XKR6: variants seen among roughly 807,000 people sequenced by gnomAD.
XKR6 encodes the protein XK-related protein 6.
XKR6 carries 22 observed loss-of-function variants against 56.7 expected under a neutral mutation model. The ratio of observed to expected loss-of-function variants is 0.39; its 90% CI spans 0.28 to 0.55. The LOEUF is 0.55. Among genes scored for constraint, XKR6 ranks in the 20% least tolerant of loss-of-function variants. The pLI, the probability that XKR6 is intolerant of heterozygous loss-of-function variation, is 0.66. For synonymous variants in XKR6, 524 were observed against 387.8 expected, an observed-to-expected ratio of 1.35 and a Z score of -4.13; for missense variants, 852 against 889.0, an observed-to-expected ratio of 0.96 and a Z score of 0.53.
intron 1 of XKR6, among the ~76,000 whole-genome samples, chr8:11,132,859 G>A (rs1261069570): frequency 3.9e-5 from 4 of 102,190 alleles, no homozygotes; most frequent in African/African-American, 2.2e-4. Flanking sequence ...TGTATGATGT[G>A]TGAAAAAAAA....
chr8:10,941,979 A>C (rs68164957), intron 1 of XKR6, among the ~76,000 whole-genome samples: 46,039 of 152,122 alleles, frequency 0.3, 7,910 homozygotes, highest in Non-Finnish European at 0.4. Context: ...AAAAAGACTC[A>C]GAAAGCCGAC....
At chr8:10,985,645 AAAAC>A (rs891244090) in intron 1 of XKR6, among the ~76,000 whole-genome samples, 4 of 152,094 alleles carry the variant, frequency 2.6e-5, no homozygotes, top group African/African-American at 4.8e-5. Flanking sequence ...AAAAACAACA[AAAAC>A]AAACAAACAA....
Position 11,039,045 on chromosome 8 carries a change from C to T in XKR6, c.765-114215G>A, listed in dbSNP as rs1198023773. Among the ~76,000 whole-genome samples the T allele has an allele frequency of 2.0e-5, 3 of 151,630 alleles. No individual in the cohort carries two copies. The South Asian group carries it at 6.2e-4, about 32-fold the overall frequency. On this transcript the variant is annotated intron_variant, in intron 1 of 2. Coordinates refer to ENST00000416569, the MANE Select transcript of XKR6 (RefSeq NM_173683.4). ...ACCCTGCCACTCAGAGCTTATGGTC[C>T]CCAGAGAGTGGCGCAGGCCCAGTGA... is the stretch of plus-strand genomic sequence containing the variant.
intron 1 of XKR6, among the ~76,000 whole-genome samples, chr8:10,981,677 C>T (rs150445819): frequency 6.6e-6 from 1 of 152,236 alleles, no homozygotes; most frequent in Non-Finnish European, 1.5e-5. Context: ...TTAAAGATGC[C>T]CAGGTAGTGT....
intron 1 of XKR6, among the ~76,000 whole-genome samples, chr8:11,106,946 C>T (rs1798701410): frequency 6.6e-6 from 1 of 151,900 alleles, no homozygotes; most frequent in South Asian, 2.1e-4. Flanking sequence ...TATTCTACTT[C>T]CCCACAAGAA....
At chr8:10,985,299 T>C (rs1797835868) in intron 1 of XKR6, among the ~76,000 whole-genome samples, 1 of 152,098 alleles carries the variant, frequency 6.6e-6, no homozygotes, top group African/African-American at 2.4e-5. Flanking sequence ...TGAGATCTGA[T>C]GGTTTTATAA....
chr8:11,109,008 T>C (rs990921779), intron 1 of XKR6: 2 of 152,250 alleles, frequency 1.3e-5, no homozygotes, highest in African/African-American at 2.4e-5. Flanking sequence ...CTCATAACGA[T>C]GTATTCGTCC....
intron 1 of XKR6, among the ~76,000 whole-genome samples, chr8:10,945,673 CTAAT>C (rs1801513184): frequency 6.6e-6 from 1 of 152,188 alleles, no homozygotes; most frequent in African/African-American, 2.4e-5. Flanking sequence ...TTGATTTTCT[CTAAT>C]GAATGAATGA....
At chr8:11,100,727 A>C (rs575024653) in intron 1 of XKR6, among the ~76,000 whole-genome samples, 3 of 152,224 alleles carry the variant, frequency 2.0e-5, no homozygotes, top group African/African-American at 7.2e-5. Context: ...TGATCTGCCT[A>C]ATTAGGCTAA....
chr8:11,058,436 C>T (rs963797874), intron 1 of XKR6, among the ~76,000 whole-genome samples: 1 of 152,110 alleles, frequency 6.6e-6, no homozygotes, highest in Non-Finnish European at 1.5e-5. Flanking sequence ...ATGAACCAAC[C>T]CAAATGCCCA....
intron 1 of XKR6, among the ~76,000 whole-genome samples, chr8:10,981,914 T>C (rs978231987): frequency 2.0e-5 from 3 of 152,254 alleles, no homozygotes; most frequent in African/African-American, 7.2e-5. Context: ...AGGCTAATTG[T>C]TTAGGAAAAG....
intron 1 of XKR6, among the ~76,000 whole-genome samples, chr8:11,091,568 TA>T (rs1798075326): frequency 6.6e-6 from 1 of 152,130 alleles, no homozygotes; most frequent in Non-Finnish European, 1.5e-5. Context: ...GTGTCCAGGC[TA>T]GGGGGTCCAA....
At chr8:10,989,959 G>C (rs929952213) in intron 1 of XKR6, among the ~76,000 whole-genome samples, 1 of 152,222 alleles carries the variant, frequency 6.6e-6, no homozygotes, top group Non-Finnish European at 1.5e-5. Flanking sequence ...GCTTCATTCT[G>C]TATCTAGGGA....
intron 1 of XKR6, among the ~76,000 whole-genome samples, chr8:11,005,637 T>C (rs1166213195): frequency 6.6e-6 from 1 of 152,138 alleles, no homozygotes; most frequent in Non-Finnish European, 1.5e-5. Flanking sequence ...TATGGTACGA[T>C]GTGTTCGTTA....
intron 1 of XKR6, among the ~76,000 whole-genome samples, chr8:11,064,151 T>C (rs569308766): frequency 6.6e-6 from 1 of 152,314 alleles, no homozygotes; most frequent in Admixed American, 6.5e-5. Flanking sequence ...CATTTCCTGT[T>C]TCTTTCCCAA....
At position 11,107,194 on chromosome 8, in the gene XKR6, A is replaced by T. The variant is rs954536147; in HGVS notation, c.764+93382T>A. Among the ~76,000 whole-genome samples, 6 of 144,640 alleles carry T rather than the reference A, an allele frequency of 4.1e-5. No homozygotes were observed. The East Asian group carries it at 6.1e-4, about 15-fold the overall frequency. The allele number at this position is 144,640 out of a possible 152,430, so 94.9% of individuals were successfully genotyped here. On this transcript the variant is annotated intron_variant, in intron 1 of 2. Transcript: ENST00000416569. ...AGCAACACGGATAAACAGGATTCCA[A>T]TTTTTTTTTTTTTTTTTAAATAAGA...
intron 1 of XKR6, among the ~76,000 whole-genome samples, chr8:11,012,141 G>T (rs955404705): frequency 2.0e-5 from 3 of 152,156 alleles, no homozygotes; most frequent in Non-Finnish European, 4.4e-5. Flanking sequence ...ACTGTGCCCA[G>T]GGCCAGCACT....
intron 1 of XKR6, among the ~76,000 whole-genome samples, chr8:11,021,844 C>A (rs975999353): frequency 3.3e-5 from 5 of 152,068 alleles, no homozygotes; most frequent in African/African-American, 1.2e-4. Context: ...GTAAGCCTGT[C>A]TCCCTGACCT....
intron 1 of XKR6, among the ~76,000 whole-genome samples, chr8:11,142,085 A>C (rs1177986791): frequency 6.6e-6 from 1 of 152,182 alleles, no homozygotes; most frequent in Non-Finnish European, 1.5e-5. Context: ...TGAAGTAAAA[A>C]TATCAGTATG....
Sources: gnomAD v4.1 joint callset for allele counts (sites outside exome capture counted in the v4.1 genomes callset) on GRCh38, gnomAD v4.1.1 for gene constraint, MANE v1.5 for transcripts, NCBI Gene and HGNC (gene_info 2026-07-23, HGNC 2026-07-21) for gene names.